The following CLTC variants were observed in gnomAD, a reference collection of about 807,000 sequenced individuals.
The protein encoded by CLTC is clathrin heavy chain.
In CLTC, 16 loss-of-function variants were observed where a neutral mutation model predicts 195.8. The observed-to-expected ratio is 0.08, with a 90% CI of 0.06 to 0.12. The LOEUF is 0.12. CLTC is among the 10% of genes least tolerant of loss of function. The pLI is 1.00. For missense variants in CLTC, 796 were observed against 2,027.0 expected (o/e 0.39, Z 11.66); for synonymous variants, 667 against 689.4 (o/e 0.97, Z 0.51).
chr17:59,634,090 G>A (rs1417521009), intron 1 of CLTC, among the ~76,000 whole-genome samples: 2 of 151,906 alleles, frequency 1.3e-5, no homozygotes, highest in African/African-American at 4.8e-5. Flanking sequence ...TTTATTTTTT[G>A]TAGGGACAGG....
At position 59,629,375 on chromosome 17, in the gene CLTC, A is replaced by T. The variant is rs898948382; in HGVS notation, c.42+9202A>T. 5.9e-5 allele frequency among the ~76,000 whole-genome samples: 9 copies of T among 152,302 alleles called. No homozygotes were observed. In the South Asian group the frequency reaches 1.9e-3, roughly 32 times the overall value. Reference sequence around the variant, plus strand: ...CAAAGGCTGCTGTAGGCTTGAAATCAACTGGATTAGTGAGAGACAAATTTT... The same window carrying T: ...CAAAGGCTGCTGTAGGCTTGAAATCTACTGGATTAGTGAGAGACAAATTTT... On this transcript the variant is annotated intron_variant, in intron 1 of 31. Transcript: ENST00000269122.
chr17:59,684,983 T>C, intron 28 of CLTC, 73 bp from the exon 29 acceptor site: 14 of 1,198,528 alleles, frequency 1.2e-5, no homozygotes, highest in Non-Finnish European at 1.6e-5. Flanking sequence ...TCTAAGGGGC[T>C]CATTGATTGA....
chr17:59,651,010 C>T (rs936551268), intron 4 of CLTC, among the ~76,000 whole-genome samples, 193 bp from the exon 5 acceptor site: 1 of 151,928 alleles, frequency 6.6e-6, no homozygotes, highest in African/African-American at 2.4e-5. Flanking sequence ...TTTTTTTTCA[C>T]TCACCATAAT....
rs2033094628 is a variant in CLTC at position 59,682,202 on chromosome 17, C to T, written c.3443-69C>T. 1 of 1,441,252 alleles carries T rather than the reference C, an allele frequency of 6.9e-7. No individual in the cohort carries two copies. The highest frequency in any genetic ancestry group is 9.5e-7 in the Non-Finnish European group (1 of 1,048,342). 89.3% of individuals were successfully genotyped at this position (1,441,252 alleles called of 1,614,324 possible). A position where few individuals can be genotyped will look rare whatever the true frequency, so the allele number is the denominator to read the frequency against. ...TTGAAAAGGAAATGAATGCAATTTT[C>T]ATTTACTTGGGTGAAAGATAAACTA... On this transcript the variant is annotated intron_variant, in intron 21 of 31. Transcript: ENST00000269122. The surrounding 1 kb of genome is among the most constrained non-coding windows in gnomAD (Gnocchi z 6.8).
intron 30 of CLTC, among the ~76,000 whole-genome samples, chr17:59,686,484 G>A (rs1186600268): frequency 6.6e-6 from 1 of 152,104 alleles, no homozygotes; most frequent in Non-Finnish European, 1.5e-5. Flanking sequence ...TAAAATCAGA[G>A]TCTCACATCT....
chr17:59,647,362 CTT>C (rs2032223169), intron 2 of CLTC, 34 bp from the exon 3 acceptor site: 1 of 1,549,740 alleles, frequency 6.5e-7, no homozygotes, highest in Non-Finnish European at 8.9e-7. Flanking sequence ...AAACTTTACT[CTT>C]TTAATGATTT....
In CLTC at chr17:59,680,852, C is replaced by G. The variant is rs556091485; in HGVS notation, c.2920-60C>G. The G allele has an allele frequency of 4.2e-6, 6 of 1,421,434 alleles. No homozygotes were observed. The East Asian group carries it at 1.2e-4, about 28-fold the overall frequency. The allele number at this position is 1,421,434 out of a possible 1,614,324, so 88.1% of individuals were successfully genotyped here. ...TTCAAGTTTTCTAATGAGAGGCCAA[C>G]TTACGCTTTTTTAAAACCAACTTGA... On this transcript the variant is annotated intron_variant, in intron 18 of 31. Coordinates refer to ENST00000269122, the MANE Select transcript of CLTC (RefSeq NM_004859.4).
At chr17:59,677,357 A>G (rs1365521271) in intron 17 of CLTC, among the ~76,000 whole-genome samples, 169 bp downstream of exon 17, 1 of 152,140 alleles carries the variant, frequency 6.6e-6, no homozygotes, top group Non-Finnish European at 1.5e-5. Context: ...TAGTGGATAA[A>G]GTCTATATAC....
At chr17:59,693,705 CT>C in intron 31 of CLTC, 22 bp from the exon 32 acceptor site, 2 of 1,605,238 alleles carry the variant, frequency 1.2e-6, no homozygotes, top group Admixed American at 1.7e-5. Flanking sequence ...CCCCCTGCTC[CT>C]TTTTGTTTTC....
Position 59,666,265 on chromosome 17 carries a change from C to G in CLTC, c.1782+25C>G. ...AGTATGTGTTTTAATGCTTTTTAGG[C>G]ATGTTTCCAACATTGTTTTAGTAAT... On this transcript the variant is annotated intron_variant, in intron 11 of 31. Coordinates refer to ENST00000269122, the MANE Select transcript of CLTC (RefSeq NM_004859.4). This position sits in a 1 kb window ranked among gnomAD's most constrained non-coding sequence, Gnocchi z 4.9. The G allele has an allele frequency of 6.2e-7, 1 of 1,607,888 alleles. No individual in the cohort carries two copies. The highest frequency in any genetic ancestry group is 8.5e-7 in the Non-Finnish European group (1 of 1,174,780).
intron 10 of CLTC, among the ~76,000 whole-genome samples, 170 bp from the exon 11 acceptor site, chr17:59,665,933 G>A (rs2032720431): frequency 6.6e-6 from 1 of 152,168 alleles, no homozygotes; most frequent in African/African-American, 2.4e-5. Context: ...TTTTGTAGTT[G>A]TTTTTATCAG....
intron 30 of CLTC, among the ~76,000 whole-genome samples, chr17:59,686,731 C>CT (rs1418920690): frequency 2.0e-5 from 3 of 152,210 alleles, no homozygotes; most frequent in Non-Finnish European, 2.9e-5. Flanking sequence ...TGAGACCTGT[C>CT]TTTAAGCTGC....
chr17:59,644,528 T>G, intron 2 of CLTC, 45 bp downstream of exon 2: 2 of 1,305,582 alleles, frequency 1.5e-6, no homozygotes, highest in Non-Finnish European at 2.1e-6. Context: ...CCTATGTTTT[T>G]GTTTTTTTTT....
chr17:59,642,745 T>G (rs970397678), intron 1 of CLTC, among the ~76,000 whole-genome samples: 4 of 152,234 alleles, frequency 2.6e-5, no homozygotes, highest in African/African-American at 7.2e-5. Flanking sequence ...TCTACTTTAT[T>G]ACGATGTTTG....
intron 14 of CLTC, chr17:59,671,226 C>T (rs1510286): frequency 0.82 from 124,661 of 152,078 alleles, 51,355 homozygotes; most frequent in South Asian, 0.93. Flanking sequence ...TAGGGTCTTA[C>T]GTCTACATAA....
chr17:59,677,514 A>C (rs964664013), intron 17 of CLTC, among the ~76,000 whole-genome samples: 2 of 152,202 alleles, frequency 1.3e-5, no homozygotes, highest in African/African-American at 2.4e-5. Context: ...ACTTGAATGC[A>C]TCATGGCCTT....
chr17:59,647,721 A>G (rs1337692928), intron 3 of CLTC, 55 bp downstream of exon 3: 3 of 1,471,858 alleles, frequency 2.0e-6, no homozygotes, highest in African/African-American at 2.8e-5. Flanking sequence ...GGTTGTGCCC[A>G]GAATGCAGTT....
intron 14 of CLTC, among the ~76,000 whole-genome samples, chr17:59,671,807 C>A (rs912099291): frequency 6.6e-6 from 1 of 152,184 alleles, no homozygotes; most frequent in Non-Finnish European, 1.5e-5. Context: ...TCTCTCATGA[C>A]CTTCTTTCTC....
Position 59,677,131 on chromosome 17 carries a change from T to C in CLTC, c.2739T>C (p.Asp913=), listed in dbSNP as rs1399022455. 1 of 1,614,032 alleles carries C rather than the reference T, an allele frequency of 6.2e-7. No individual in the cohort carries two copies. The highest frequency in any genetic ancestry group is 8.5e-7 in the Non-Finnish European group (1 of 1,179,966). The change falls in exon 17 of 32, where the codon GAT becomes GAC. Residue 913 remains aspartate (D), a synonymous_variant. Transcript: ENST00000269122. ...RVVGKYCEKR[D]PHLACVAYER... is the part of the protein sequence containing the mutation. ...TTGGAAAGTATTGTGAGAAGAGAGA[T>C]CCACATCTGGCCTGTGTTGCTTATG... is the stretch of plus-strand genomic sequence containing the variant.
Sources: allele counts gnomAD v4.1 joint callset (sites outside exome capture counted in the v4.1 genomes callset), GRCh38; gene constraint gnomAD v4.1.1; non-coding constraint Gnocchi (gnomAD v3.1); transcripts MANE v1.5; gene names NCBI Gene and HGNC (gene_info 2026-07-23, HGNC 2026-07-21).